The following CYLD variants were observed in gnomAD, a reference collection of about 807,000 sequenced individuals.
The protein encoded by CYLD is CYLD lysine 63 deubiquitinase.
A neutral mutation model predicts 104.5 loss-of-function variants in CYLD; 26 were observed. That is an observed-to-expected ratio of 0.25 (90% CI 0.18 to 0.35). CYLD has a LOEUF of 0.35. CYLD is among the 10% of genes least tolerant of loss of function. CYLD has a pLI of 1.00. For synonymous variants in CYLD, 385 were observed against 399.9 expected (o/e 0.96, Z 0.45); for missense variants, 703 against 1,136.1 (o/e 0.62, Z 5.48).
At chr16:50,784,985 G>T in intron 12 of CYLD, 1 of 153,960 alleles carries the variant, frequency 6.5e-6, no homozygotes, top group Non-Finnish European at 1.4e-5. Context: ...GCCTTAAAAA[G>T]GTGATTCTTT....
At position 50,787,829 on chromosome 16, in the gene CYLD, G is replaced by C; in HGVS notation, c.2085G>C (p.Arg695Ser). Reference sequence around the variant, plus strand: ...ATATTCTGTTTCATCATATTTTAAGGGTAGAACCTTTGCTAAAAATAAGGT... The same window carrying C: ...ATATTCTGTTTCATCATATTTTAAGCGTAGAACCTTTGCTAAAAATAAGGT... Reference protein sequence around the residue: ...FLNILFHHILRVEPLLKIRSA... With the variant: ...FLNILFHHILSVEPLLKIRSA... The change falls in exon 14 of 19, where the codon AGG becomes AGC. Residue 695 changes from arginine to serine, a missense_variant. By Grantham distance (110) the Arg-to-Ser change is moderately radical. Coordinates refer to ENST00000427738, the MANE Select transcript of CYLD (RefSeq NM_001378743.1). 1.3e-6 allele frequency: 2 copies of C among 1,546,614 alleles called. No homozygotes were observed. The highest frequency in any genetic ancestry group is 1.8e-6 in the Non-Finnish European group (2 of 1,122,210).
Position 50,777,925 on chromosome 16 carries a change from A to C in CYLD, c.1122A>C (p.Thr374=). The part of the protein sequence containing the change: ...DSQPQSKSKN[T]WYIDEVAEDP... Reference sequence around the variant, plus strand: ...AACCACAATCCAAATCAAAAAATACATGGTACATTGATGAAGGTAATCAGT... The same window carrying C: ...AACCACAATCCAAATCAAAAAATACCTGGTACATTGATGAAGGTAATCAGT... Residue 374 remains threonine (T), a synonymous_variant, in exon 8 of 19, where the codon ACA becomes ACC. Transcript: ENST00000427738. 4.5e-6 allele frequency: 7 copies of C among 1,549,024 alleles called. No homozygotes were observed. The highest frequency in any genetic ancestry group is 5.4e-6 in the Non-Finnish European group (6 of 1,121,236).
intron 5 of CYLD, among the ~76,000 whole-genome samples, chr16:50,768,093 CAG>C (rs759272669): frequency 3.3e-5 from 5 of 152,000 alleles, no homozygotes; most frequent in Admixed American, 6.6e-5. Flanking sequence ...ATTGCTGGCT[CAG>C]AGCAGTGAAG....
At chr16:50,793,519 A>C (rs376799359) in intron 16 of CYLD, 27 bp from the exon 17 acceptor site, 1 of 1,461,594 alleles carries the variant, frequency 6.8e-7, no homozygotes, top group African/African-American at 1.4e-5. Flanking sequence ...AGTCCTCTTA[A>C]CTTCCCTTCC....
At position 50,799,279 on chromosome 16, in the gene CYLD, A is replaced by G. The variant is rs987879934; in HGVS notation, c.*2771A>G. On this transcript the variant is annotated 3_prime_UTR_variant, in exon 19 of 19. Transcript: ENST00000427738. ...AATATGTCATGTTCCTCACCTCCAA[A>G]TAAATATGTGTGTGTCTGTGTGTGT... is the stretch of plus-strand genomic sequence containing the variant. The G allele has an allele frequency of 8.6e-6, 2 of 233,190 alleles. No individual in the cohort carries two copies. The highest frequency in any genetic ancestry group is 1.7e-5 in the Non-Finnish European group (2 of 118,012). The allele number at this position is 233,190 out of a possible 1,614,324, so 14.4% of individuals were successfully genotyped here. A position where few individuals can be genotyped will look rare whatever the true frequency, so the allele number is the denominator to read the frequency against.
chr16:50,777,720 G>A (rs75449301), intron 7 of CYLD, 105 bp from the exon 8 acceptor site: 1 of 711,252 alleles, frequency 1.4e-6, no homozygotes, highest in Non-Finnish European at 2.6e-6. Context: ...TATTGGTTAT[G>A]TAAACAGTTA....
At chr16:50,755,733 G>GT (rs1220816236) in intron 5 of CYLD, among the ~76,000 whole-genome samples, 1 of 151,826 alleles carries the variant, frequency 6.6e-6, no homozygotes, top group Non-Finnish European at 1.5e-5. Flanking sequence ...TGATGGGATT[G>GT]TTTTTTTCTT....
chr16:50,761,746 A>ATATCTATCTACCTATCTATCTATCTATC (rs1967950908), intron 5 of CYLD, among the ~76,000 whole-genome samples: 1 of 149,778 alleles, frequency 6.7e-6, no homozygotes, highest in African/African-American at 2.5e-5. Context: ...ACATATCTCT[A>ATATCTATCTACCTATCTATCTATCTATC]TATCTATCTA....
chr16:50,763,238 A>G lies in CYLD; in HGVS notation c.913+8814A>G, dbSNP rs1277875552. On this transcript the variant is annotated intron_variant, in intron 5 of 18. Transcript: ENST00000427738. ...TTAAGGCAGAATAATATTCCATTGT[A>G]TGGACACATCACATGTTGTTTATTA... Among the ~76,000 whole-genome samples the G allele has an allele frequency of 5.3e-5, 8 of 152,188 alleles. No homozygotes were observed. In the South Asian group the frequency reaches 6.2e-4, roughly 12 times the overall value.
intron 11 of CYLD, among the ~76,000 whole-genome samples, chr16:50,783,041 C>T (rs1970417612): frequency 6.7e-6 from 1 of 150,222 alleles, no homozygotes; most frequent in African/African-American, 2.5e-5. Context: ...TCTCTTGACT[C>T]AGCCTCCTGA....
At chr16:50,769,650 A>G (rs76292341) in intron 5 of CYLD, among the ~76,000 whole-genome samples, 1 of 152,144 alleles carries the variant, frequency 6.6e-6, no homozygotes, top group Non-Finnish European at 1.5e-5. Flanking sequence ...CCTTTAGCCA[A>G]TTTTTCCCAG....
At position 50,799,895 on chromosome 16, in the gene CYLD, CACTT is replaced by C. The variant is rs1329572381; in HGVS notation, c.*3391_*3394del. 2 of 232,928 alleles carry C rather than the reference CACTT, an allele frequency of 8.6e-6. No individual in the cohort carries two copies. The highest frequency in any genetic ancestry group is 1.7e-5 in the Non-Finnish European group (2 of 117,964). The allele number at this position is 232,928 out of a possible 1,614,324, so 14.4% of individuals were successfully genotyped here. A position where few individuals can be genotyped will look rare whatever the true frequency, so the allele number is the denominator to read the frequency against. On this transcript the variant is annotated 3_prime_UTR_variant, in exon 19 of 19. Transcript: ENST00000427738. ...TGCCAACCAAGAAGTATTTATCGGA[CACTT>C]ACTAGGTGCCTAGGATTGTATCAGA...
At chr16:50,770,663 C>T (rs886629492) in intron 5 of CYLD, among the ~76,000 whole-genome samples, 1 of 151,888 alleles carries the variant, frequency 6.6e-6, no homozygotes, top group African/African-American at 2.4e-5. Flanking sequence ...GTTGGCCAGG[C>T]TGGTCTCGAA....
At chr16:50,789,801 A>G (rs146818407) in intron 14 of CYLD, among the ~76,000 whole-genome samples, 4 of 152,346 alleles carry the variant, frequency 2.6e-5, no homozygotes, top group Admixed American at 6.5e-5. Flanking sequence ...TTGAAGAGAC[A>G]AAAGAACTAG....
chr16:50,754,976 TATAC>T (rs1377848398), intron 5 of CYLD, among the ~76,000 whole-genome samples: 2 of 128,710 alleles, frequency 1.6e-5, no homozygotes, highest in East Asian at 4.2e-4. Flanking sequence ...CACATATATG[TATAC>T]ATATATACAT....
chr16:50,784,773 GT>G (rs1970636328), intron 12 of CYLD: 4 of 281,426 alleles, frequency 1.4e-5, no homozygotes. Context: ...TTTTGAAATA[GT>G]TTATTCCAAC....
At chr16:50,756,109 T>G (rs1361918772) in intron 5 of CYLD, among the ~76,000 whole-genome samples, 1 of 152,216 alleles carries the variant, frequency 6.6e-6, no homozygotes, top group African/African-American at 2.4e-5. Context: ...ATTATGGAAT[T>G]GTTATTAAAT....
At chr16:50,754,452 T>G in intron 5 of CYLD, 28 bp downstream of exon 5, 2 of 1,432,726 alleles carry the variant, frequency 1.4e-6, no homozygotes, top group South Asian at 1.2e-5. Context: ...TATACATTTA[T>G]AAGGCAAACT....
intron 4 of CYLD, among the ~76,000 whole-genome samples, chr16:50,752,588 C>CTTA (rs555228046): frequency 5.3e-5 from 8 of 152,140 alleles, no homozygotes; most frequent in Non-Finnish European, 1.0e-4. Context: ...AGTGTATTCA[C>CTTA]ATTGTTGTAC....
Sources: gnomAD v4.1 joint callset for allele counts (sites outside exome capture counted in the v4.1 genomes callset) on GRCh38, gnomAD v4.1.1 for gene constraint, MANE v1.5 for transcripts, NCBI Gene and HGNC (gene_info 2026-07-23, HGNC 2026-07-21) for gene names.